The following RAB7A variants were observed in gnomAD, a reference collection of about 807,000 sequenced individuals.
RAB7A encodes RAB7A, member RAS oncogene family, also known as ras-related protein Rab-7a.
A neutral mutation model predicts 24.5 loss-of-function variants in RAB7A; 2 were observed. The ratio of observed to expected loss-of-function variants is 0.08; its 90% CI spans 0.03 to 0.26. The LOEUF is 0.26. Ranked by LOEUF, RAB7A falls within the 10% of genes least tolerant of loss-of-function variation. The pLI is 1.00. For synonymous variants in RAB7A, 100 were observed against 95.9 expected, an observed-to-expected ratio of 1.04 and a Z score of -0.25; for missense variants, 118 against 255.7, an observed-to-expected ratio of 0.46 and a Z score of 3.67.
chr3:128,746,973 T>C (rs1474606170), intron 1 of RAB7A, among the ~76,000 whole-genome samples: 1 of 151,792 alleles, frequency 6.6e-6, no homozygotes, highest in Non-Finnish European at 1.5e-5. Context: ...CCCATAAATG[T>C]ATACAATTAT....
intron 1 of RAB7A, among the ~76,000 whole-genome samples, chr3:128,735,123 T>C (rs1178880864): frequency 1.3e-5 from 2 of 152,176 alleles, no homozygotes; most frequent in African/African-American, 4.8e-5. Context: ...CTGTGGAGAA[T>C]TATTCAGGAA....
At chr3:128,740,117 A>T (rs1206806127) in intron 1 of RAB7A, among the ~76,000 whole-genome samples, 1 of 151,896 alleles carries the variant, frequency 6.6e-6, no homozygotes, top group Non-Finnish European at 1.5e-5. Flanking sequence ...TCCCGCCTGC[A>T]ATCAATCCCA....
intron 5 of RAB7A, among the ~76,000 whole-genome samples, chr3:128,812,450 GTTTTATAC>G (rs1042911192): frequency 1.3e-5 from 2 of 152,118 alleles, no homozygotes; most frequent in Non-Finnish European, 2.9e-5. Context: ...ATTCCTAGAT[GTTTTATAC>G]TTTTATAGTT....
chr3:128,755,193 G>A (rs1397011689), intron 1 of RAB7A, among the ~76,000 whole-genome samples: 1 of 152,062 alleles, frequency 6.6e-6, no homozygotes, highest in Non-Finnish European at 1.5e-5. Context: ...TGAGAAATCA[G>A]TAACAGAAGG....
chr3:128,752,558 C>G (rs183983095), intron 1 of RAB7A, among the ~76,000 whole-genome samples: 12 of 152,128 alleles, frequency 7.9e-5, no homozygotes, highest in Admixed American at 7.9e-4. Context: ...TGTCAGGTCA[C>G]CAAAAATCAG....
intron 5 of RAB7A, among the ~76,000 whole-genome samples, chr3:128,809,562 T>A (rs1933874003): frequency 6.6e-6 from 1 of 152,268 alleles, no homozygotes; most frequent in African/African-American, 2.4e-5. Flanking sequence ...TTTCCAACTC[T>A]GTGGTCTTTT....
At chr3:128,783,973 A>G (rs1200329959) in intron 1 of RAB7A, among the ~76,000 whole-genome samples, 6 of 152,138 alleles carry the variant, frequency 3.9e-5, no homozygotes, top group South Asian at 2.1e-4. Context: ...CATCTGGGCC[A>G]CCAGACAGCA....
chr3:128,764,640 A>G, intron 1 of RAB7A: 1 of 1,052,230 alleles, frequency 9.5e-7, no homozygotes, highest in Non-Finnish European at 1.5e-6. Context: ...AATGGGGGTC[A>G]TTTTTGTCAG....
chr3:128,784,021 T>C (rs1180145515), intron 1 of RAB7A, among the ~76,000 whole-genome samples: 15 of 152,208 alleles, frequency 9.9e-5, no homozygotes. Context: ...TCTTCTCTTT[T>C]GCTTTCCGTG....
rs1304005905 is a variant in RAB7A, at chr3:128,795,124, C to A, written c.-8-236C>A. The A allele has an allele frequency of 1.7e-5, 10 of 572,468 alleles. No homozygotes were observed. In the East Asian group the frequency reaches 3.0e-4, roughly 17 times the overall value. 35.5% of individuals were successfully genotyped at this position (572,468 alleles called of 1,614,324 possible). ...CCACCCAAGTGAGAGAATACATTCTCTCCAACAGCTTGCAGGGGCAGGATG... is the reference window on the plus strand; with the variant it reads ...CCACCCAAGTGAGAGAATACATTCTATCCAACAGCTTGCAGGGGCAGGATG... On this transcript the variant is annotated intron_variant, in intron 1 of 5. Coordinates refer to ENST00000265062, the MANE Select transcript of RAB7A (RefSeq NM_004637.6).
intron 3 of RAB7A, among the ~76,000 whole-genome samples, chr3:128,800,418 C>G (rs1244686936): frequency 6.6e-6 from 1 of 152,140 alleles, no homozygotes. Context: ...AGTTCGGCCC[C>G]TGCTGGGTCG....
At chr3:128,767,311 G>A (rs572082818) in intron 1 of RAB7A, among the ~76,000 whole-genome samples, 2 of 152,316 alleles carry the variant, frequency 1.3e-5, no homozygotes, top group South Asian at 4.1e-4. Context: ...GAAGTCAGCT[G>A]TAGCAAGCAA....
At chr3:128,772,350 A>C (rs1004561479) in intron 1 of RAB7A, among the ~76,000 whole-genome samples, 5 of 152,240 alleles carry the variant, frequency 3.3e-5, no homozygotes, top group Non-Finnish European at 7.3e-5. Flanking sequence ...TCCCATTGGA[A>C]ACATCCCATG....
chr3:128,814,334 G>A lies in RAB7A; in HGVS notation c.*912G>A, dbSNP rs987217674. On this transcript the variant is annotated 3_prime_UTR_variant, in exon 6 of 6. Transcript: ENST00000265062. ...CTTCTGTGTCTAAATTTTCCAAAAC[G>A]TTGATTTGCATAATACAGTGGTATG... 2.0e-5 allele frequency: 3 copies of A among 152,682 alleles called. No individual in the cohort carries two copies. Among genetic ancestry groups the A allele is most frequent in the Non-Finnish European group, 2.9e-5 (2 of 68,050 alleles). 9.5% of individuals were successfully genotyped at this position (152,682 alleles called of 1,614,324 possible).
intron 1 of RAB7A, among the ~76,000 whole-genome samples, chr3:128,760,445 G>A (rs2070768312): frequency 6.6e-6 from 1 of 152,192 alleles, no homozygotes. Context: ...CAATAATGGA[G>A]TCACTTTTTC....
intron 3 of RAB7A, chr3:128,799,259 T>G (rs1387240529): frequency 1.3e-5 from 2 of 152,040 alleles, no homozygotes; most frequent in Admixed American, 6.6e-5. Flanking sequence ...TTTTTTTTTT[T>G]GTCTCGTTCC....
chr3:128,736,890 T>C (rs11716540), intron 1 of RAB7A, among the ~76,000 whole-genome samples: 14,482 of 152,130 alleles, frequency 0.095, 954 homozygotes, highest in Middle Eastern at 0.14. Flanking sequence ...TGGCTTATAA[T>C]ATGTAATAGC....
intron 1 of RAB7A, among the ~76,000 whole-genome samples, chr3:128,777,750 G>A (rs1933128575): frequency 6.6e-6 from 1 of 152,190 alleles, no homozygotes; most frequent in African/African-American, 2.4e-5. Flanking sequence ...TAGTTTTTGA[G>A]ATGGAGTCTT....
chr3:128,760,328 A>G (rs2070767619), intron 1 of RAB7A, among the ~76,000 whole-genome samples: 1 of 152,200 alleles, frequency 6.6e-6, no homozygotes. Flanking sequence ...ACTGCAGGTC[A>G]TGGGACTTCT....
Sources: allele counts gnomAD v4.1 joint callset (sites outside exome capture counted in the v4.1 genomes callset), GRCh38; gene constraint gnomAD v4.1.1; transcripts MANE v1.5; gene names NCBI Gene and HGNC (gene_info 2026-07-23, HGNC 2026-07-21).